NRG1: variants seen among roughly 807,000 people sequenced by gnomAD.
NRG1 encodes pro-neuregulin-1, membrane-bound isoform.
Under a neutral mutation model 63.8 loss-of-function variants are expected in NRG1, and 18 were observed. The ratio of observed to expected loss-of-function variants is 0.28; its 90% CI spans 0.19 to 0.42. NRG1 has a LOEUF of 0.42. Ranked by LOEUF, NRG1 falls within the 10% of genes least tolerant of loss-of-function variation. NRG1 has a pLI of 1.00. For missense variants in NRG1, 762 were observed against 814.7 expected, an observed-to-expected ratio of 0.94 and a Z score of 0.79; for synonymous variants, 302 against 301.3, an observed-to-expected ratio of 1.00 and a Z score of -0.02.
chr8:31,685,409 G>A (rs932947216), intron 1 of NRG1, among the ~76,000 whole-genome samples: 7 of 152,138 alleles, frequency 4.6e-5, no homozygotes, highest in Non-Finnish European at 7.4e-5. Flanking sequence ...ACATATTTTG[G>A]TTAATTAGGG....
chr8:31,868,147 T>C (rs12545395), intron 1 of NRG1, among the ~76,000 whole-genome samples: 2,587 of 32,510 alleles, frequency 0.08, 122 homozygotes, highest in South Asian at 0.35. Flanking sequence ...ACATACATCT[T>C]ACACACACAC....
chr8:32,184,225 G>A (rs1174023778), intron 1 of NRG1, among the ~76,000 whole-genome samples: 1 of 151,914 alleles, frequency 6.6e-6, no homozygotes, highest in Non-Finnish European at 1.5e-5. Context: ...TTCAGGCAGT[G>A]GTATAAGAAG....
In NRG1 at chr8:31,640,557, C is replaced by G. The variant is rs199760025; in HGVS notation, c.37+1126C>G. 1.9e-5 allele frequency: 30 copies of G among 1,611,804 alleles called. No homozygotes were observed. The highest frequency in any genetic ancestry group is 1.1e-5 in the South Asian group (1 of 91,000). ...TGCGCCTGGGGACCTGGGGCCACCC[C>G]GCCTTCCCCTCCTGCGGGAGGCTCA... On this transcript the variant is annotated intron_variant, in intron 1 of 10. Transcript: ENST00000519301. The surrounding 1 kb of genome is among the most constrained non-coding windows in gnomAD (Gnocchi z 6.3).
In NRG1 at chr8:31,969,000, C is replaced by T. The variant is rs188636107; in HGVS notation, c.37+329569C>T. Among the ~76,000 whole-genome samples the T allele has an allele frequency of 4.7e-4, 71 of 152,282 alleles. 2 individuals are homozygous for T. The Middle Eastern group carries it at 0.01, about 22-fold the overall frequency. ...CTCCTCAGCTCTCCCAGCATTTGAG[C>T]GCTCTCTCCGCTTCGTTTTCAACCA... is the stretch of plus-strand genomic sequence containing the variant. On this transcript the variant is annotated intron_variant, in intron 1 of 10. Coordinates refer to the NRG1 transcript ENST00000519301.
At chr8:32,054,343 CAAGGG>C (rs1822490762) in intron 1 of NRG1, among the ~76,000 whole-genome samples, 1 of 152,106 alleles carries the variant, frequency 6.6e-6, no homozygotes, top group African/African-American at 2.4e-5. Context: ...TTTGTATCCC[CAAGGG>C]TGTTGGCTAA....
At chr8:31,948,763 G>A (rs545858582) in intron 1 of NRG1, among the ~76,000 whole-genome samples, 11 of 52,218 alleles carry the variant, frequency 2.1e-4, no homozygotes, top group Admixed American at 1.2e-3. Context: ...AATAAGAGGC[G>A]ACTTGGCAGC....
intron 1 of NRG1, among the ~76,000 whole-genome samples, chr8:32,470,363 CT>C: frequency 6.6e-6 from 1 of 151,198 alleles, no homozygotes; most frequent in East Asian, 2.0e-4. Context: ...TTATTTTTTT[CT>C]TTTTTTCTTT....
chr8:32,559,083 G>GAAAAAA (rs35947086), intron 1 of NRG1, among the ~76,000 whole-genome samples: 1 of 86,802 alleles, frequency 1.2e-5, no homozygotes, highest in African/African-American at 4.7e-5. Context: ...TTGTCTCAGC[G>GAAAAAA]AAAAAAAAAA....
intron 1 of NRG1, among the ~76,000 whole-genome samples, chr8:32,524,562 A>G (rs1402002486): frequency 1.3e-5 from 2 of 152,098 alleles, no homozygotes; most frequent in Non-Finnish European, 1.5e-5. Context: ...AGTGTCAAGA[A>G]AAAAACATTC....
chr8:32,138,494 G>T (rs781145783), intron 1 of NRG1, among the ~76,000 whole-genome samples: 2 of 151,894 alleles, frequency 1.3e-5, no homozygotes, highest in Non-Finnish European at 2.9e-5. Flanking sequence ...AGGACACATT[G>T]GTATGCACAA....
intron 1 of NRG1, among the ~76,000 whole-genome samples, chr8:32,014,556 G>C (rs1187311249): frequency 6.6e-6 from 1 of 152,020 alleles, no homozygotes; most frequent in South Asian, 2.1e-4. Flanking sequence ...GATAACAGAA[G>C]AATACCCAAG....
At chr8:31,844,601 T>C (rs772174661) in intron 1 of NRG1, among the ~76,000 whole-genome samples, 5 of 152,198 alleles carry the variant, frequency 3.3e-5, no homozygotes, top group Non-Finnish European at 7.3e-5. Flanking sequence ...ATGGCCTTAC[T>C]GTCTGTTGTC....
intron 1 of NRG1, among the ~76,000 whole-genome samples, chr8:32,221,546 C>G (rs1041316952): frequency 6.6e-6 from 1 of 152,112 alleles, no homozygotes; most frequent in Non-Finnish European, 1.5e-5. Context: ...ATCCCTTATT[C>G]AAGGACTGTA....
intron 1 of NRG1, among the ~76,000 whole-genome samples, chr8:32,394,908 T>A (rs1812251359): frequency 6.6e-6 from 1 of 152,188 alleles, no homozygotes; most frequent in Admixed American, 6.5e-5. Flanking sequence ...ATGTGGCACC[T>A]TTTACAAGAG....
chr8:32,694,977 A>G (rs901203457), intron 5 of NRG1, among the ~76,000 whole-genome samples: 2 of 152,168 alleles, frequency 1.3e-5, no homozygotes, highest in African/African-American at 4.8e-5. Flanking sequence ...ATTACTGATG[A>G]TGCGAAAGGT....
chr8:32,194,290 C>T (rs961372837), intron 1 of NRG1, among the ~76,000 whole-genome samples: 2 of 152,172 alleles, frequency 1.3e-5, no homozygotes, highest in Non-Finnish European at 2.9e-5. Flanking sequence ...GAAAGTTCCA[C>T]ACATCATCTG....
chr8:32,344,929 A>C (rs777282700), intron 1 of NRG1, among the ~76,000 whole-genome samples: 8 of 152,138 alleles, frequency 5.3e-5, no homozygotes, highest in Admixed American at 3.3e-4. Context: ...CTGAGCCATA[A>C]TTTCTGCTCA....
chr8:31,663,404 C>G (rs1342841206), intron 1 of NRG1, among the ~76,000 whole-genome samples: 1 of 152,124 alleles, frequency 6.6e-6, no homozygotes, highest in African/African-American at 2.4e-5. Flanking sequence ...GTTGTGGAAT[C>G]AACACCCTTC....
At chr8:32,302,321 C>A (rs933002542) in intron 1 of NRG1, among the ~76,000 whole-genome samples, 4 of 152,180 alleles carry the variant, frequency 2.6e-5, no homozygotes, top group African/African-American at 9.7e-5. Context: ...ATTTGGTACT[C>A]CAACCTGTTG....
Sources: allele counts gnomAD v4.1 joint callset (sites outside exome capture counted in the v4.1 genomes callset), GRCh38; gene constraint gnomAD v4.1.1; non-coding constraint Gnocchi (gnomAD v3.1); transcripts MANE v1.5; gene names NCBI Gene and HGNC (gene_info 2026-07-23, HGNC 2026-07-21).